PCDH15: variants seen among roughly 807,000 people sequenced by gnomAD.
PCDH15 encodes the protein protocadherin-15.
In PCDH15, 129 loss-of-function variants were observed where a neutral mutation model predicts 178.5. The ratio of observed to expected loss-of-function variants is 0.72; its 90% CI spans 0.63 to 0.84. The LOEUF is 0.84. PCDH15 is among the 40% of genes least tolerant of loss of function. The pLI is 0.00. For synonymous variants in PCDH15, 800 were observed against 732.0 expected, an observed-to-expected ratio of 1.09 and a Z score of -1.50; for missense variants, 2,230 against 2,099.9, an observed-to-expected ratio of 1.06 and a Z score of -1.21.
intron 18 of PCDH15, among the ~76,000 whole-genome samples, chr10:54,054,901 G>T (rs182577483): frequency 5.3e-4 from 80 of 152,092 alleles, no homozygotes; most frequent in African/African-American, 1.7e-3. Flanking sequence ...TTCCCCACTT[G>T]CAGCCCACTT....
chr10:54,831,158 A>G (rs986973534), intron 3 of PCDH15, among the ~76,000 whole-genome samples: 1 of 152,146 alleles, frequency 6.6e-6, no homozygotes, highest in Non-Finnish European at 1.5e-5. Flanking sequence ...TCCTGAAAAT[A>G]GAGATTTGGA....
intron 31 of PCDH15, 70 bp from the exon 32 acceptor site, chr10:53,827,618 T>A: frequency 6.4e-7 from 1 of 1,566,836 alleles, no homozygotes; most frequent in South Asian, 1.1e-5. Flanking sequence ...AAGCCACCTT[T>A]TAATAATGGG....
At chr10:54,758,882 C>T (rs944973638) in intron 1 of PCDH15, among the ~76,000 whole-genome samples, 5 of 152,164 alleles carry the variant, frequency 3.3e-5, no homozygotes, top group African/African-American at 1.2e-4. Context: ...TTTATGATTT[C>T]ATCTTTCCAA....
At chr10:54,251,699 C>G (rs937617447) in intron 8 of PCDH15, among the ~76,000 whole-genome samples, 6 of 152,134 alleles carry the variant, frequency 3.9e-5, no homozygotes, top group Non-Finnish European at 8.8e-5. Flanking sequence ...GCTTGTAAAA[C>G]ACCTACTACC....
intron 2 of PCDH15, among the ~76,000 whole-genome samples, chr10:55,458,183 T>C (rs1362368514): frequency 6.6e-6 from 1 of 152,068 alleles, no homozygotes; most frequent in Non-Finnish European, 1.5e-5. Flanking sequence ...ACATATAAGA[T>C]AAACTTTTAA....
At chr10:54,729,269 A>G (rs1032574814) in intron 1 of PCDH15, among the ~76,000 whole-genome samples, 8 of 151,652 alleles carry the variant, frequency 5.3e-5, no homozygotes, top group African/African-American at 1.7e-4. Flanking sequence ...AAAGCTACAC[A>G]TTTATAACCA....
chr10:53,902,856 A>G (rs1271646328), intron 26 of PCDH15, among the ~76,000 whole-genome samples: 1 of 152,068 alleles, frequency 6.6e-6, no homozygotes, highest in Non-Finnish European at 1.5e-5. Context: ...TCAGAAAAAA[A>G]TGGTTAATTT....
intron 23 of PCDH15, among the ~76,000 whole-genome samples, chr10:53,956,092 T>C (rs1258697572): frequency 1.3e-5 from 2 of 152,168 alleles, no homozygotes; most frequent in Non-Finnish European, 2.9e-5. Flanking sequence ...TAAATATGAT[T>C]AATTAATTAT....
chr10:55,357,570 A>C (rs1039083090), intron 2 of PCDH15, among the ~76,000 whole-genome samples: 1 of 151,976 alleles, frequency 6.6e-6, no homozygotes, highest in African/African-American at 2.4e-5. Flanking sequence ...CTTCCTTTAG[A>C]GATTTTTGGG....
intron 15 of PCDH15, among the ~76,000 whole-genome samples, chr10:54,106,553 C>T (rs2094921077): frequency 6.6e-6 from 1 of 152,108 alleles, no homozygotes; most frequent in African/African-American, 2.4e-5. Context: ...AATCAAGAAA[C>T]AGCTAAATAG....
At chr10:55,177,869 A>AT (rs146520719) in intron 1 of PCDH15, among the ~76,000 whole-genome samples, 34,589 of 151,826 alleles carry the variant, frequency 0.23, 4,109 homozygotes, top group East Asian at 0.3. Context: ...TTACAGACGG[A>AT]TTTTTTTTAT....
intron 1 of PCDH15, among the ~76,000 whole-genome samples, chr10:55,318,364 G>A (rs1374708639): frequency 1.3e-5 from 2 of 152,098 alleles, no homozygotes; most frequent in Non-Finnish European, 2.9e-5. Flanking sequence ...AATTAAGTAT[G>A]TTGACATAAG....
At position 55,086,102 on chromosome 10, in the gene PCDH15, T is replaced by C. The variant is rs980848646; in HGVS notation, c.-80+80474A>G. 4.6e-4 allele frequency among the ~76,000 whole-genome samples: 70 copies of C among 151,856 alleles called. 2 individuals are homozygous for C. The highest frequency in any genetic ancestry group is 1.8e-4 in the Non-Finnish European group (12 of 67,854). On this transcript the variant is annotated intron_variant, in intron 2 of 5. Transcript: ENST00000458638. The stretch of plus-strand genomic sequence containing the variant: ...TTATATTTTCTAAAAAGCTGGAAGA[T>C]ATTTAACTCAAGCTAAAAATTACCA...
chr10:54,546,829 A>G (rs2085909290), intron 2 of PCDH15, among the ~76,000 whole-genome samples: 1 of 152,144 alleles, frequency 6.6e-6, no homozygotes, highest in African/African-American at 2.4e-5. Context: ...CACCTCCTTC[A>G]ACACCGCATG....
At chr10:54,861,048 C>A (rs925244612) in intron 3 of PCDH15, among the ~76,000 whole-genome samples, 1 of 152,180 alleles carries the variant, frequency 6.6e-6, no homozygotes, top group African/African-American at 2.4e-5. Flanking sequence ...TCATTGAGAA[C>A]TCTGTTTCTC....
intron 2 of PCDH15, among the ~76,000 whole-genome samples, chr10:55,146,684 CTA>C (rs1254196661): frequency 6.6e-6 from 1 of 151,598 alleles, no homozygotes; most frequent in Non-Finnish European, 1.5e-5. Flanking sequence ...ACTATAACTT[CTA>C]TATGTTTTAT....
chr10:55,148,835 T>TATATATATTATATAA (rs1203692343), intron 2 of PCDH15, among the ~76,000 whole-genome samples: 19 of 148,296 alleles, frequency 1.3e-4, no homozygotes, highest in African/African-American at 4.4e-4. Flanking sequence ...TCAACAAAAT[T>TATATATATTATATAA]ATATATATTA....
chr10:54,840,549 A>G (rs1373117809), intron 3 of PCDH15, among the ~76,000 whole-genome samples: 1 of 151,908 alleles, frequency 6.6e-6, no homozygotes, highest in Non-Finnish European at 1.5e-5. Context: ...AGTATAAAAC[A>G]GTCAAAATAT....
At chr10:55,369,054 C>T (rs1845432969) in intron 2 of PCDH15, among the ~76,000 whole-genome samples, 1 of 117,354 alleles carries the variant, frequency 8.5e-6, no homozygotes, top group African/African-American at 3.1e-5. Context: ...AACATTGAAA[C>T]ATGATCATAG....
Sources: allele counts gnomAD v4.1 joint callset (sites outside exome capture counted in the v4.1 genomes callset), GRCh38; gene constraint gnomAD v4.1.1; transcripts MANE v1.5; gene names NCBI Gene and HGNC (gene_info 2026-07-23, HGNC 2026-07-21).